Variants in ZC3H12B observed in about 807,000 individuals in gnomAD.
The protein encoded by ZC3H12B is zinc finger CCCH-type containing 12B, also known as probable ribonuclease ZC3H12B.
ZC3H12B carries 7 observed loss-of-function variants against 43.9 expected under a neutral mutation model. The observed-to-expected ratio is 0.16, with a 90% CI of 0.09 to 0.30. ZC3H12B has a LOEUF of 0.30. Ranked by LOEUF, ZC3H12B falls within the 10% of genes least tolerant of loss-of-function variation. The pLI, the probability that ZC3H12B is intolerant of heterozygous loss-of-function variation, is 1.00. For missense variants in ZC3H12B, 475 were observed against 670.2 expected (o/e 0.71, Z 3.22); for synonymous variants, 222 against 241.7 (o/e 0.92, Z 0.76).
At chrX:65,497,397 G>T in intron 2 of ZC3H12B, 126 bp downstream of exon 7, 1 of 607,423 alleles carries the variant, frequency 1.6e-6, no homozygotes, top group Non-Finnish European at 2.3e-6. Flanking sequence ...TTTTTATTAA[G>T]CATATATTTG....
At chrX:65,354,800 G>T in the ZC3H12B span, among the ~76,000 whole-genome samples, 1 of 111,769 alleles carries the variant, frequency 8.9e-6, no homozygotes, top group Non-Finnish European at 1.9e-5. Flanking sequence ...CACAGCACAA[G>T]AATTTCATAA....
the ZC3H12B span, among the ~76,000 whole-genome samples, chrX:65,287,031 T>A: frequency 9.0e-6 from 1 of 110,988 alleles, no homozygotes; most frequent in Non-Finnish European, 1.9e-5. Flanking sequence ...TGCACTCAGA[T>A]TCATAAAGCA....
chrX:65,123,601 C>G, the ZC3H12B span, among the ~76,000 whole-genome samples: 1 of 108,345 alleles, frequency 9.2e-6, no homozygotes, highest in Admixed American at 9.8e-5. Flanking sequence ...TTGATTCTAC[C>G]CATCCATGAG....
At chrX:65,373,157 G>A (rs1390255080) in intron 2 of ZC3H12B, among the ~76,000 whole-genome samples, 2 of 112,299 alleles carry the variant, frequency 1.8e-5, no homozygotes, top group Non-Finnish European at 3.8e-5. Context: ...GAAAGAGATA[G>A]CATATGTAAA....
the ZC3H12B span, among the ~76,000 whole-genome samples, chrX:65,348,389 G>C: frequency 9.0e-6 from 1 of 111,662 alleles, no homozygotes; most frequent in Admixed American, 9.5e-5. Context: ...GGAACAGCCA[G>C]TACCAGCCAC....
chrX:65,192,402 G>C, the ZC3H12B span, among the ~76,000 whole-genome samples: 5 of 111,146 alleles, frequency 4.5e-5, no homozygotes, highest in African/African-American at 1.6e-4. Flanking sequence ...AATAACAGTG[G>C]TGTTAAGTGG....
chrX:65,247,515 A>G, the ZC3H12B span, among the ~76,000 whole-genome samples: 1 of 112,980 alleles, frequency 8.9e-6, no homozygotes, highest in Non-Finnish European at 1.9e-5. Flanking sequence ...ATACTGGATT[A>G]AGAATACGTG....
the ZC3H12B span, among the ~76,000 whole-genome samples, chrX:65,180,029 A>G: frequency 8.9e-6 from 1 of 111,780 alleles, no homozygotes; most frequent in African/African-American, 3.2e-5. Flanking sequence ...CCTGATACCA[A>G]AACCTGGCAG....
the ZC3H12B span, among the ~76,000 whole-genome samples, chrX:65,108,265 T>C: frequency 2.7e-5 from 3 of 111,582 alleles, no homozygotes; most frequent in Non-Finnish European, 5.7e-5. Context: ...TTACTATAAC[T>C]TTTAACTTCG....
At chrX:65,086,105 C>T in the ZC3H12B span, among the ~76,000 whole-genome samples, 1 of 100,209 alleles carries the variant, frequency 1.0e-5, no homozygotes, top group African/African-American at 3.8e-5. Context: ...ATTTATCTGT[C>T]ATGTCTTTTT....
the ZC3H12B span, among the ~76,000 whole-genome samples, chrX:65,113,636 G>C: frequency 9.1e-6 from 1 of 109,857 alleles, no homozygotes; most frequent in African/African-American, 3.3e-5. Context: ...CATTGATGTT[G>C]CAAACTTCAT....
chrX:65,123,310 C>T, the ZC3H12B span, among the ~76,000 whole-genome samples: 2 of 111,338 alleles, frequency 1.8e-5, no homozygotes, highest in South Asian at 7.6e-4. Flanking sequence ...TTTTGATGTG[C>T]TGCTGGATTC....
the ZC3H12B span, among the ~76,000 whole-genome samples, chrX:65,188,912 C>T: frequency 9.6e-6 from 1 of 104,440 alleles, no homozygotes; most frequent in African/African-American, 3.5e-5. Flanking sequence ...CGTCATCTAA[C>T]ATTAGGTATA....
At chrX:65,293,227 G>T in the ZC3H12B span, among the ~76,000 whole-genome samples, 1 of 110,704 alleles carries the variant, frequency 9.0e-6, no homozygotes, top group Non-Finnish European at 1.9e-5. Flanking sequence ...GCTCTGCTGG[G>T]TGCCTAGACC....
At chrX:65,354,503 A>C in the ZC3H12B span, among the ~76,000 whole-genome samples, 2 of 112,224 alleles carry the variant, frequency 1.8e-5, no homozygotes, top group East Asian at 5.6e-4. Flanking sequence ...GAAAATGAGG[A>C]AAAACCAGCG....
At chrX:65,339,344 G>T in the ZC3H12B span, among the ~76,000 whole-genome samples, 1 of 111,750 alleles carries the variant, frequency 8.9e-6, no homozygotes, top group Non-Finnish European at 1.9e-5. Flanking sequence ...AATGACTTTG[G>T]GGAAATGGGT....
At chrX:65,503,468 G>C (rs1177332447) in exon 5 of ZC3H12B, 6 of 279,804 alleles carry the variant, frequency 2.1e-5, no homozygotes, top group Non-Finnish European at 3.7e-5. Context: ...ACACACCCAA[G>C]TCCTCTAAAT....
At chrX:65,267,482 AT>A in the ZC3H12B span, among the ~76,000 whole-genome samples, 1 of 110,931 alleles carries the variant, frequency 9.0e-6, no homozygotes, top group Non-Finnish European at 1.9e-5. Context: ...CAAAAAAAAA[AT>A]ATGGTCTATA....
At chrX:65,223,141 C>T in the ZC3H12B span, among the ~76,000 whole-genome samples, 149 of 111,472 alleles carry the variant, frequency 1.3e-3, 1 homozygote, top group Middle Eastern at 4.7e-3. Context: ...AGGGAAAGGA[C>T]ACCCTATTCA....
Sources: gnomAD v4.1 joint callset for allele counts (sites outside exome capture counted in the v4.1 genomes callset) on GRCh38, gnomAD v4.1.1 for gene constraint, MANE v1.5 for transcripts, NCBI Gene and HGNC (gene_info 2026-07-23, HGNC 2026-07-21) for gene names.